ZNF839: variants seen among roughly 807,000 people sequenced by gnomAD.
ZNF839 encodes zinc finger protein 839.
Under a neutral mutation model 56.4 loss-of-function variants are expected in ZNF839, and 38 were observed. The observed-to-expected ratio is 0.67, with a 90% CI of 0.52 to 0.88. ZNF839 has a LOEUF of 0.88. Ranked by LOEUF, ZNF839 falls within the 40% of genes least tolerant of loss-of-function variation. The pLI is 0.00. For synonymous variants in ZNF839, 486 were observed against 493.5 expected (o/e 0.98, Z 0.20); for missense variants, 1,091 against 1,177.6 (o/e 0.93, Z 1.08).
chr14:102,329,237 G>A (rs544886346), intron 2 of ZNF839, among the ~76,000 whole-genome samples: 1 of 152,268 alleles, frequency 6.6e-6, no homozygotes, highest in South Asian at 2.1e-4. Context: ...CAAAGTGCTG[G>A]GATTACAGGC....
Position 102,339,170 on chromosome 14 carries a change from C to A in ZNF839, c.1874C>A (p.Ala625Asp). 6.2e-7 allele frequency: 1 copy of A among 1,612,878 alleles called. No homozygotes were observed. Among genetic ancestry groups the A allele is most frequent in the Non-Finnish European group, 8.5e-7 (1 of 1,179,366 alleles). ...ALSNDTTESL[A>D]ANSRGREKPR... is the part of the protein sequence containing the mutation. ...TCCAACGATACCACTGAATCTCTTG[C>A]TGCCAACAGCAGAGGCCGGGAGAAG... is the stretch of plus-strand genomic sequence containing the variant. The change falls in exon 7 of 8, where the codon GCT becomes GAT. Residue 625 changes from alanine to aspartate, a missense_variant. By Grantham distance (126) the Ala-to-Asp change is moderately radical. Around this residue, in one of 3 missense-constraint regions of ZNF839, gnomAD observed 431 missense variants for 468.0 expected, o/e 0.92. Transcript: ENST00000442396.
At chr14:102,321,977 C>A (rs995516092) in intron 1 of ZNF839, among the ~76,000 whole-genome samples, 2 of 152,148 alleles carry the variant, frequency 1.3e-5, no homozygotes, top group Non-Finnish European at 2.9e-5. Context: ...CTGTCTCTCC[C>A]CATCCTCCCT....
intron 1 of ZNF839, among the ~76,000 whole-genome samples, chr14:102,322,518 G>A (rs1276934215): frequency 8.5e-5 from 13 of 152,312 alleles, no homozygotes; most frequent in Admixed American, 7.2e-4. Flanking sequence ...TGGCTTTGCC[G>A]CTGTGGTTAT....
Position 102,319,910 on chromosome 14 carries a change from AC to A in ZNF839, c.146del (p.Thr49ArgfsTer50). 1 of 1,169,622 alleles carries A rather than the reference AC, an allele frequency of 8.5e-7. No individual in the cohort carries two copies. Among genetic ancestry groups the A allele is most frequent in the Non-Finnish European group, 1.1e-6 (1 of 942,852 alleles). The allele number at this position is 1,169,622 out of a possible 1,614,324, so 72.5% of individuals were successfully genotyped here. ...EQLRQVLEQV[T>X]KAQPPPPPPP... ...GCTGCGGCAGGTCCTGGAGCAGGTG[AC>A]GAAGGCGCAGCCGCCGCCGCCGCCG... On this transcript the variant is annotated frameshift_variant, in exon 1 of 8. Transcript: ENST00000442396. LOFTEE classifies it high-confidence loss of function. The surrounding 1 kb of genome is among the most constrained non-coding windows in gnomAD (Gnocchi z 4.5).
At chr14:102,325,118 A>G (rs2073341455) in intron 1 of ZNF839, among the ~76,000 whole-genome samples, 1 of 151,910 alleles carries the variant, frequency 6.6e-6, no homozygotes, top group Non-Finnish European at 1.5e-5. Context: ...TCGGGAGGCC[A>G]AGGCAGGTGG....
Position 102,341,481 on chromosome 14 carries a change from T to A in ZNF839, c.2086T>A (p.Ser696Thr), listed in dbSNP as rs766205503. Residue 696 changes from serine (S) to threonine (T), a missense_variant, in exon 8 of 8, where the codon TCA (serine) becomes ACA (threonine). Ser to Thr is a moderately conservative substitution (Grantham distance 58). Transcript: ENST00000442396. ...GAGGGGGTCTATAGGTGCTGCTCTC[T>A]CATCCCGGGATGTCAGTGGGCTGCC... ...ARRGSIGAAL[S>T]SRDVSGLPVY... 6.9e-6 allele frequency: 11 copies of A among 1,597,354 alleles called. No individual in the cohort carries two copies. The African/African-American group carries it at 1.5e-4, about 21-fold the overall frequency.
chr14:102,336,860 A>G, intron 5 of ZNF839: 2 of 228,214 alleles, frequency 8.8e-6, no homozygotes, highest in South Asian at 9.5e-5. Flanking sequence ...AAGCCTCCTG[A>G]GTAGCTGGGA....
chr14:102,338,953 G>A lies in ZNF839; in HGVS notation c.1797G>A (p.Glu599=), dbSNP rs1425433276. The part of the protein sequence containing the change: ...EGASSEKRER[E]AAEEGLASVK... ...CTAGCAGCGAGAAGAGGGAACGTGA[G>A]GTGGGCATGGCTGAAGTGGGTGCCA... The change falls in exon 6 of 8, where the codon GAG becomes GAA. Residue 599 remains glutamate, a splice_region_variant and synonymous_variant. Transcript: ENST00000442396. 2 of 1,613,900 alleles carry A rather than the reference G, an allele frequency of 1.2e-6. No homozygotes were observed. Among genetic ancestry groups the A allele is most frequent in the East Asian group, 2.2e-5 (1 of 44,892 alleles).
At chr14:102,328,375 A>AAAT (rs1197718891) in intron 2 of ZNF839, among the ~76,000 whole-genome samples, 15 of 16,346 alleles carry the variant, frequency 9.2e-4, no homozygotes, top group Non-Finnish European at 1.6e-3. Flanking sequence ...AAAAAAAAAA[A>AAAT]ATATATATAT....
chr14:102,327,139 C>G (rs1413043473), intron 2 of ZNF839, among the ~76,000 whole-genome samples: 1 of 151,772 alleles, frequency 6.6e-6, no homozygotes, highest in Non-Finnish European at 1.5e-5. Context: ...GGAGGTACCA[C>G]ACACTCATTT....
chr14:102,334,680 G>A, intron 4 of ZNF839, 34 bp downstream of exon 4: 1 of 1,268,536 alleles, frequency 7.9e-7, no homozygotes, highest in Non-Finnish European at 1.1e-6. Context: ...ATGATAGCGG[G>A]ATGATTAGAA....
At position 102,329,097 on chromosome 14, in the gene ZNF839, G is replaced by A. The variant is rs1012533492; in HGVS notation, c.1191+2210G>A. Among the ~76,000 whole-genome samples, 38 of 151,750 alleles carry A rather than the reference G, an allele frequency of 2.5e-4. 1 individual carries two copies. The highest frequency in any genetic ancestry group is 2.4e-3 in the Admixed American group (36 of 15,212). On this transcript the variant is annotated intron_variant, in intron 2 of 7. Coordinates refer to ENST00000442396, the MANE Select transcript of ZNF839 (RefSeq NM_018335.6). ...TCGTTCTCCTGCCTCAGCCTCCCGA[G>A]TAGCTGGGACTACAGGCACGAGCCA...
chr14:102,329,444 G>GT (rs2073655811), intron 2 of ZNF839, among the ~76,000 whole-genome samples: 1 of 151,960 alleles, frequency 6.6e-6, no homozygotes, highest in African/African-American at 2.4e-5. Context: ...GAGTGCAGTG[G>GT]TGTGATCTCA....
rs1597703022 is a variant in ZNF839 at position 102,319,789 on chromosome 14, T to C, written c.24T>C (p.Ala8=). The change falls in exon 1 of 8, where the codon GCT becomes GCC. Residue 8 remains alanine (A), a synonymous_variant. Coordinates refer to ENST00000442396, the MANE Select transcript of ZNF839 (RefSeq NM_018335.6). This position sits in a 1 kb window ranked among gnomAD's most constrained non-coding sequence, Gnocchi z 4.5. ...CCATGGCGGATGCGGAGCCGGAGGC[T>C]GGGGGCGGCAGCGAGGATGGCGGCG... The part of the protein sequence containing the change: MADAEPE[A]GGGSEDGGGG... 4 of 1,232,050 alleles carry C rather than the reference T, an allele frequency of 3.2e-6. No homozygotes were observed. In the African/African-American group the frequency reaches 4.7e-5, roughly 14 times the overall value. 76.3% of individuals were successfully genotyped at this position (1,232,050 alleles called of 1,614,324 possible).
chr14:102,328,996 A>T, intron 2 of ZNF839, among the ~76,000 whole-genome samples: 1 of 138,662 alleles, frequency 7.2e-6, no homozygotes. Flanking sequence ...TTTGAGATGG[A>T]GTCTTGCTCT....
chr14:102,330,913 T>G (rs2073747543), intron 2 of ZNF839, among the ~76,000 whole-genome samples: 1 of 152,188 alleles, frequency 6.6e-6, no homozygotes. Flanking sequence ...AGGCCAGATC[T>G]AGGGTTCTCT....
At position 102,327,408 on chromosome 14, in the gene ZNF839, TGA is replaced by T. The variant is rs1303789710; in HGVS notation, c.1191+525_1191+526del. On this transcript the variant is annotated intron_variant, in intron 2 of 7. Transcript: ENST00000442396. ...TGCCTGCCTCAGCCTCCCAAAATGC[TGA>T]GAGTACAGGTGTGAGCCACCACGCC... Among the ~76,000 whole-genome samples the T allele has an allele frequency of 2.6e-5, 4 of 152,230 alleles. No individual in the cohort carries two copies. In the South Asian group the frequency reaches 8.3e-4, roughly 32 times the overall value.
In ZNF839 at chr14:102,326,899, G is replaced by C; in HGVS notation, c.1191+12G>C. The C allele has an allele frequency of 6.3e-7, 1 of 1,578,978 alleles. No individual in the cohort carries two copies. The highest frequency in any genetic ancestry group is 8.6e-7 in the Non-Finnish European group (1 of 1,160,124). On this transcript the variant is annotated intron_variant, in intron 2 of 7. Coordinates refer to ENST00000442396, the MANE Select transcript of ZNF839 (RefSeq NM_018335.6). This position sits in a 1 kb window ranked among gnomAD's most constrained non-coding sequence, Gnocchi z 4.3. ...GCGGTGGCCTGCAGGTAATGTTTCT[G>C]TCTGGGTATGTGTCTTTTTATTTGG...
chr14:102,326,856 T>C lies in ZNF839; in HGVS notation c.1160T>C (p.Leu387Ser). Residue 387 changes from leucine (L) to serine (S), a missense_variant, in exon 2 of 8, where the codon TTG becomes TCG. Coordinates refer to ENST00000442396, the MANE Select transcript of ZNF839 (RefSeq NM_018335.6). The surrounding 1 kb of genome is among the most constrained non-coding windows in gnomAD (Gnocchi z 4.3). ...TGTGAGGGAGGGGCCCGCTCCTGCT[T>C]GGTGACAGAGTCAGCACGCGGTGGC... ...DPCEGGARSC[L>S]VTESARGGLQ... The C allele has an allele frequency of 6.2e-7, 1 of 1,607,628 alleles. No individual in the cohort carries two copies. Among genetic ancestry groups the C allele is most frequent in the Middle Eastern group, 1.7e-4 (1 of 5,996 alleles).
Sources: allele counts gnomAD v4.1 joint callset (sites outside exome capture counted in the v4.1 genomes callset), GRCh38; gene constraint gnomAD v4.1.1; regional missense constraint gnomAD v4.1.1; non-coding constraint Gnocchi (gnomAD v3.1); transcripts MANE v1.5; gene names NCBI Gene and HGNC (gene_info 2026-07-23, HGNC 2026-07-21).